Variants in NBEAL1 observed in about 807,000 individuals in gnomAD.
The protein encoded by NBEAL1 is neurobeachin-like protein 1.
In NBEAL1, 273 loss-of-function variants were observed where a neutral mutation model predicts 351.3. That is an observed-to-expected ratio of 0.78 (90% CI 0.70 to 0.86). The LOEUF (loss-of-function observed/expected upper bound fraction) is 0.86. NBEAL1 is among the 40% of genes least tolerant of loss of function. NBEAL1 has a pLI of 0.00. For missense variants in NBEAL1, 2,961 were observed against 3,201.3 expected (o/e 0.92, Z 1.81); for synonymous variants, 1,050 against 1,086.4 (o/e 0.97, Z 0.66).
At chr2:203,159,741 G>A (rs1288448485) in intron 36 of NBEAL1, among the ~76,000 whole-genome samples, 1 of 151,772 alleles carries the variant, frequency 6.6e-6, no homozygotes, top group Admixed American at 6.6e-5. Context: ...TTGTTGTCTT[G>A]GTTATCTACT....
At chr2:203,096,300 C>T (rs1236846288) in intron 10 of NBEAL1, among the ~76,000 whole-genome samples, 1 of 152,114 alleles carries the variant, frequency 6.6e-6, no homozygotes, top group Non-Finnish European at 1.5e-5. Context: ...TTATGTTAAG[C>T]CTTACATATA....
At chr2:203,202,108 C>G (rs2065416868) in intron 50 of NBEAL1, among the ~76,000 whole-genome samples, 1 of 152,082 alleles carries the variant, frequency 6.6e-6, no homozygotes, top group African/African-American at 2.4e-5. Context: ...TAACTTGCTA[C>G]TTCTTAGTGT....
At chr2:203,078,995 T>C (rs1053745823) in intron 8 of NBEAL1, among the ~76,000 whole-genome samples, 4 of 152,206 alleles carry the variant, frequency 2.6e-5, no homozygotes, top group Non-Finnish European at 5.9e-5. Context: ...AAATGATATT[T>C]TGAGTGACTG....
intron 2 of NBEAL1, among the ~76,000 whole-genome samples, 153 bp downstream of exon 2, chr2:203,016,588 C>G (rs2060684303): frequency 6.6e-6 from 1 of 152,042 alleles, no homozygotes; most frequent in Non-Finnish European, 1.5e-5. Flanking sequence ...TTCTGTTTTC[C>G]TCTTTTTCAG....
chr2:203,178,407 T>TG (rs1166858633), intron 42 of NBEAL1, among the ~76,000 whole-genome samples: 1 of 152,152 alleles, frequency 6.6e-6, no homozygotes, highest in African/African-American at 2.4e-5. Flanking sequence ...TCTCAAGTGA[T>TG]CTGCCCACCA....
intron 8 of NBEAL1, among the ~76,000 whole-genome samples, chr2:203,078,298 T>C (rs1414369909): frequency 1.3e-5 from 2 of 152,196 alleles, no homozygotes; most frequent in Admixed American, 6.5e-5. Context: ...AAAGAATTTC[T>C]AGTATTTTTT....
rs144929079 is a variant in NBEAL1, at chr2:203,027,142, A to G, written c.51+10707A>G. Among the ~76,000 whole-genome samples, 6 of 152,326 alleles carry G rather than the reference A, an allele frequency of 3.9e-5. No individual in the cohort carries two copies. In the East Asian group the frequency reaches 1.2e-3, roughly 29 times the overall value. On this transcript the variant is annotated intron_variant, in intron 2 of 55. Transcript: ENST00000683969. ...GGGAACTATGTAGACTGACTATGAA[A>G]TGTGCCATAGCCATATTTGAAATCC... is the stretch of plus-strand genomic sequence containing the variant.
chr2:203,087,235 G>C (rs914685599), intron 10 of NBEAL1, among the ~76,000 whole-genome samples: 6 of 151,430 alleles, frequency 4.0e-5, no homozygotes, highest in African/African-American at 1.5e-4. Context: ...TGGGATTATA[G>C]GCACCCGCCA....
At chr2:203,056,627 C>T in intron 5 of NBEAL1, 119 bp downstream of exon 5, 1 of 646,358 alleles carries the variant, frequency 1.5e-6, no homozygotes, top group South Asian at 1.7e-5. Flanking sequence ...AGTGCAATGG[C>T]CCGATCTTGG....
At chr2:203,017,563 GA>G (rs2060701408) in intron 2 of NBEAL1, among the ~76,000 whole-genome samples, 1 of 152,030 alleles carries the variant, frequency 6.6e-6, no homozygotes, top group Non-Finnish European at 1.5e-5. Context: ...CACCACTTTT[GA>G]AAATAGTCAC....
At chr2:203,129,455 A>C (rs1302263099) in intron 24 of NBEAL1, among the ~76,000 whole-genome samples, 6 of 152,124 alleles carry the variant, frequency 3.9e-5, no homozygotes, top group Non-Finnish European at 5.9e-5. Flanking sequence ...GTTTCCCTAT[A>C]AGGTTGCCGC....
At chr2:203,048,502 G>C (rs1009351418) in intron 3 of NBEAL1, among the ~76,000 whole-genome samples, 1 of 152,006 alleles carries the variant, frequency 6.6e-6, no homozygotes, top group Non-Finnish European at 1.5e-5. Context: ...GTATTCTCTG[G>C]TTTTGGTTGT....
At position 203,223,811 on chromosome 2, in the gene NBEAL1, A is replaced by C. The variant is rs1372814752; in HGVS notation, c.*6457A>C. 6.6e-6 allele frequency among the ~76,000 whole-genome samples: 1 copy of C among 152,060 alleles called. No homozygotes were observed. The highest frequency in any genetic ancestry group is 1.5e-5 in the Non-Finnish European group (1 of 67,918). The stretch of plus-strand genomic sequence containing the variant: ...TACAATTTAGTGGGATGAACCTACA[A>C]ATTCATAAATGCTTCTCTTTATTTT... On this transcript the variant is annotated 3_prime_UTR_variant, in exon 56 of 56. Coordinates refer to ENST00000683969, the MANE Select transcript of NBEAL1 (RefSeq NM_001378026.1).
intron 25 of NBEAL1, among the ~76,000 whole-genome samples, chr2:203,131,528 A>C (rs1019361819): frequency 1.3e-5 from 2 of 152,102 alleles, no homozygotes; most frequent in Non-Finnish European, 2.9e-5. Flanking sequence ...GTTTATTCTT[A>C]AATCCATTTT....
intron 4 of NBEAL1, among the ~76,000 whole-genome samples, chr2:203,055,687 TA>T (rs1660358972): frequency 6.6e-6 from 1 of 152,234 alleles, no homozygotes; most frequent in African/African-American, 2.4e-5. Flanking sequence ...ATATATGTTT[TA>T]CAAGATCACA....
intron 29 of NBEAL1, among the ~76,000 whole-genome samples, 191 bp from the exon 30 acceptor site, chr2:203,137,969 AGC>A (rs1559395810): frequency 6.7e-6 from 1 of 150,310 alleles, no homozygotes; most frequent in African/African-American, 2.4e-5. Flanking sequence ...GGGCGACAAG[AGC>A]GATCTCTGCA....
intron 31 of NBEAL1, among the ~76,000 whole-genome samples, chr2:203,143,292 TG>T (rs1022950160): frequency 3.9e-5 from 6 of 152,350 alleles, no homozygotes; most frequent in African/African-American, 1.2e-4. Flanking sequence ...AGTATTTCTT[TG>T]TCTGGGCTTG....
rs2060650774 is a variant in NBEAL1 at position 203,014,910 on chromosome 2, G to GCTT, written c.-300_-298dup. ...CTGCCTGGCTGCGGGGTGACACGGG[G>GCTT]CTTCGCCTTGGGAAGGGGTCGAGGG... On this transcript the variant is annotated 5_prime_UTR_variant, in exon 1 of 56. Transcript: ENST00000683969. The GCTT allele has an allele frequency of 6.6e-6, 1 of 152,412 alleles. No individual in the cohort carries two copies. The highest frequency in any genetic ancestry group is 2.1e-4 in the South Asian group (1 of 4,838). 9.4% of individuals were successfully genotyped at this position (152,412 alleles called of 1,614,324 possible). A position where few individuals can be genotyped will look rare whatever the true frequency, so the allele number is the denominator to read the frequency against.
At chr2:203,122,489 CAA>C in intron 19 of NBEAL1, 146 bp downstream of exon 19, 1 of 574,400 alleles carries the variant, frequency 1.7e-6, no homozygotes, top group Non-Finnish European at 3.0e-6. Context: ...GAAGGGTAAA[CAA>C]ATGCAAAGTT....
Sources: allele counts gnomAD v4.1 joint callset (sites outside exome capture counted in the v4.1 genomes callset), GRCh38; gene constraint gnomAD v4.1.1; transcripts MANE v1.5; gene names NCBI Gene and HGNC (gene_info 2026-07-23, HGNC 2026-07-21).